ULK4: variants seen among roughly 807,000 people sequenced by gnomAD.
ULK4 encodes the protein unc-51 like kinase 4, also known as inactive serine/threonine-protein kinase ULK4.
Under a neutral mutation model 160.6 loss-of-function variants are expected in ULK4, and 133 were observed. The ratio of observed to expected loss-of-function variants is 0.83; its 90% CI spans 0.72 to 0.96. The LOEUF is 0.96. Among genes scored for constraint, ULK4 ranks in the 40% least tolerant of loss-of-function variants. The pLI, the probability that ULK4 is intolerant of heterozygous loss-of-function variation, is 0.00. For missense variants in ULK4, 1,580 were observed against 1,499.5 expected (o/e 1.05, Z -0.89); for synonymous variants, 534 against 539.8 (o/e 0.99, Z 0.15).
intron 5 of ULK4, among the ~76,000 whole-genome samples, chr3:41,926,961 A>T (rs1699407236): frequency 6.6e-6 from 1 of 152,220 alleles, no homozygotes; most frequent in African/African-American, 2.4e-5. Context: ...CAACCTAGCA[A>T]GACAGGCCAA....
chr3:41,935,135 G>C (rs56207540), intron 4 of ULK4, among the ~76,000 whole-genome samples: 18,625 of 147,264 alleles, frequency 0.13, 1,351 homozygotes, highest in Middle Eastern at 0.28. Flanking sequence ...CCCTGCCTCG[G>C]CCTCCCAAGT....
At chr3:41,329,257 A>C (rs536645160) in intron 35 of ULK4, among the ~76,000 whole-genome samples, 1 of 152,326 alleles carries the variant, frequency 6.6e-6, no homozygotes, top group South Asian at 2.1e-4. Context: ...GGGGAACATC[A>C]ACTGGCTACT....
intron 34 of ULK4, among the ~76,000 whole-genome samples, chr3:41,401,572 C>T (rs2082179623): frequency 6.6e-6 from 1 of 152,030 alleles, no homozygotes; most frequent in Admixed American, 6.6e-5. Context: ...TTATGGATTC[C>T]TCTTTTAGGG....
intron 25 of ULK4, among the ~76,000 whole-genome samples, chr3:41,707,325 C>A (rs935002433): frequency 1.3e-5 from 2 of 151,958 alleles, no homozygotes; most frequent in East Asian, 3.9e-4. Flanking sequence ...TTTTTTAGAT[C>A]GGACCCAAAC....
rs1213126431 is a variant in ULK4, at chr3:41,506,797, T to A, written c.3227-43544A>T. Among the ~76,000 whole-genome samples the A allele has an allele frequency of 1.4e-4, 14 of 98,734 alleles. No individual in the cohort carries two copies. The East Asian group carries it at 1.7e-3, about 12-fold the overall frequency. 64.8% of individuals were successfully genotyped at this position (98,734 alleles called of 152,430 possible). A position where few individuals can be genotyped will look rare whatever the true frequency, so the allele number is the denominator to read the frequency against. ...ATATATATATATATATATATATATATATATATATATGAACATGTTTTACAA... is the reference window on the plus strand; with the variant it reads ...ATATATATATATATATATATATATAAATATATATATGAACATGTTTTACAA... On this transcript the variant is annotated intron_variant, in intron 32 of 36. Coordinates refer to ENST00000301831, the MANE Select transcript of ULK4 (RefSeq NM_017886.4).
intron 17 of ULK4, among the ~76,000 whole-genome samples, chr3:41,870,650 G>A (rs1697053434): frequency 6.6e-6 from 1 of 152,156 alleles, no homozygotes; most frequent in African/African-American, 2.4e-5. Flanking sequence ...CCAAAAGTCT[G>A]CCATTGGTAC....
chr3:41,961,210 G>T (rs367784922), intron 1 of ULK4, among the ~76,000 whole-genome samples: 1 of 152,224 alleles, frequency 6.6e-6, no homozygotes, highest in East Asian at 1.9e-4. Flanking sequence ...GGAACGCTGA[G>T]AGCGAACAGG....
At chr3:41,444,851 T>C (rs1202246732) in intron 34 of ULK4, among the ~76,000 whole-genome samples, 2 of 152,018 alleles carry the variant, frequency 1.3e-5, no homozygotes, top group African/African-American at 2.4e-5. Flanking sequence ...CTATTCAACA[T>C]AGTGTTGGAA....
chr3:41,691,775 A>G (rs1179490282), intron 27 of ULK4, among the ~76,000 whole-genome samples: 1 of 151,764 alleles, frequency 6.6e-6, no homozygotes, highest in Non-Finnish European at 1.5e-5. Context: ...GGATGTTTGG[A>G]GAGTGCAGTC....
chr3:41,810,871 C>A (rs563373796), intron 19 of ULK4, among the ~76,000 whole-genome samples: 2 of 152,082 alleles, frequency 1.3e-5, no homozygotes, highest in East Asian at 1.9e-4. Flanking sequence ...TGAGCATGGG[C>A]CATTATTTTA....
At chr3:41,307,619 G>T (rs2079972833) in intron 35 of ULK4, among the ~76,000 whole-genome samples, 1 of 152,092 alleles carries the variant, frequency 6.6e-6, no homozygotes, top group South Asian at 2.1e-4. Context: ...TTGAGCTCAG[G>T]AGTTTGAGAC....
chr3:41,536,828 G>A (rs1012930799), intron 32 of ULK4, among the ~76,000 whole-genome samples: 6 of 150,594 alleles, frequency 4.0e-5, no homozygotes, highest in African/African-American at 1.5e-4. Flanking sequence ...GGCACACTCA[G>A]TGTAACTTTA....
chr3:41,609,599 A>T (rs933718512), intron 31 of ULK4, among the ~76,000 whole-genome samples: 3 of 152,210 alleles, frequency 2.0e-5, no homozygotes, highest in Non-Finnish European at 4.4e-5. Flanking sequence ...ATGTAGATTT[A>T]TCGCCTGCAT....
chr3:41,774,415 T>C (rs555867785), intron 21 of ULK4, among the ~76,000 whole-genome samples: 1 of 150,590 alleles, frequency 6.6e-6, no homozygotes, highest in Non-Finnish European at 1.5e-5. Context: ...GGGCAAAGGA[T>C]ATGAACAGAC....
chr3:41,588,707 ATAATT>A (rs1232266371), intron 31 of ULK4, among the ~76,000 whole-genome samples: 7 of 152,236 alleles, frequency 4.6e-5, no homozygotes, highest in African/African-American at 1.7e-4. Context: ...ACAAATAATA[ATAATT>A]TATGTTGATA....
At chr3:41,489,815 T>C (rs950147344) in intron 32 of ULK4, among the ~76,000 whole-genome samples, 5 of 152,168 alleles carry the variant, frequency 3.3e-5, no homozygotes, top group African/African-American at 1.2e-4. Flanking sequence ...AAAGTCTAGT[T>C]ACTAGATTTT....
At chr3:41,295,447 T>A (rs1375337371) in intron 35 of ULK4, among the ~76,000 whole-genome samples, 1 of 133,496 alleles carries the variant, frequency 7.5e-6, no homozygotes, top group East Asian at 2.0e-4. Context: ...ACCAAAGACA[T>A]GATCCATGAA....
chr3:41,412,303 C>T (rs1283554999), intron 34 of ULK4, among the ~76,000 whole-genome samples: 1 of 151,584 alleles, frequency 6.6e-6, no homozygotes, highest in South Asian at 2.1e-4. Flanking sequence ...AAATGGAAAG[C>T]TATACCTTGT....
chr3:41,556,671 T>C (rs1433752817), intron 32 of ULK4, among the ~76,000 whole-genome samples: 2 of 151,886 alleles, frequency 1.3e-5, no homozygotes, highest in Admixed American at 1.3e-4. Flanking sequence ...GTATTTTTAG[T>C]AGAGGCAGGG....
Sources: gnomAD v4.1 joint callset for allele counts (sites outside exome capture counted in the v4.1 genomes callset) on GRCh38, gnomAD v4.1.1 for gene constraint, MANE v1.5 for transcripts, NCBI Gene and HGNC (gene_info 2026-07-23, HGNC 2026-07-21) for gene names.